The following MAT1A variants were observed in gnomAD, a reference collection of about 807,000 sequenced individuals.
MAT1A encodes the protein methionine adenosyltransferase 1A.
MAT1A carries 19 observed loss-of-function variants against 44.0 expected under a neutral mutation model. The ratio of observed to expected loss-of-function variants is 0.43; its 90% confidence interval spans 0.30 to 0.63. The LOEUF is 0.63. Among genes scored for constraint, MAT1A ranks in the 30% least tolerant of loss-of-function variants. The pLI, the probability that MAT1A is intolerant of heterozygous loss-of-function variation, is 0.12. For synonymous variants in MAT1A, 205 were observed against 205.6 expected (o/e 1.00, Z 0.03); for missense variants, 397 against 531.0 (o/e 0.75, Z 2.48).
At chr10:80,286,646 G>C (rs1841655095) in intron 1 of MAT1A, among the ~76,000 whole-genome samples, 1 of 152,146 alleles carries the variant, frequency 6.6e-6, no homozygotes. Context: ...AGCACTAAAT[G>C]GTGCTTGTAG....
intron 6 of MAT1A, chr10:80,275,426 G>T (rs1841474263): frequency 3.4e-6 from 2 of 592,620 alleles, no homozygotes; most frequent in Non-Finnish European, 6.0e-6. Flanking sequence ...ATTAGCAAGT[G>T]CAGAAGGTGG....
In MAT1A at chr10:80,274,935, G is replaced by A. The variant is rs1048109381; in HGVS notation, c.951+82C>T. On this transcript the variant is annotated intron_variant, in intron 7 of 8. Transcript: ENST00000372213. ...TGGCAAAGCATGCAGCTTTCCCACCGGGCCAACATCCCCTCACTCAGGGCA... is the reference window on the plus strand; with the variant it reads ...TGGCAAAGCATGCAGCTTTCCCACCAGGCCAACATCCCCTCACTCAGGGCA... The A allele has an allele frequency of 2.0e-5, 29 of 1,483,472 alleles. 1 individual carries two copies. Among genetic ancestry groups the A allele is most frequent in the South Asian group, 1.3e-4 (11 of 82,268 alleles). The allele number at this position is 1,483,472 out of a possible 1,614,324, so 91.9% of individuals were successfully genotyped here.
chr10:80,280,915 G>C (rs1841558383), intron 3 of MAT1A, 123 bp from the exon 4 acceptor site: 1 of 749,392 alleles, frequency 1.3e-6, no homozygotes, highest in Non-Finnish European at 2.4e-6. Context: ...TCCCTAACTA[G>C]CCAGGGTCTG....
In MAT1A at chr10:80,279,901, C is replaced by T. The variant is rs114841457; in HGVS notation, c.549+272G>A. On this transcript the variant is annotated intron_variant, in intron 5 of 8. Transcript: ENST00000372213. ...GTATGTTTGTGGCAGGATTTGGGGA[C>T]TCATTAGTCAATGTTTACTAATGAG... 3.9e-3 allele frequency among the ~76,000 whole-genome samples: 598 copies of T among 152,060 alleles called. 5 individuals carry two copies. The highest frequency in any genetic ancestry group is 0.014 in the African/African-American group (567 of 41,460).
intron 7 of MAT1A, 152 bp downstream of exon 7, chr10:80,274,865 G>A: frequency 8.2e-7 from 1 of 1,212,692 alleles, no homozygotes; most frequent in South Asian, 1.3e-5. Context: ...TAGGTTTTCA[G>A]AGCCCTGGCC....
At chr10:80,288,494 G>A (rs531144874) in intron 1 of MAT1A, among the ~76,000 whole-genome samples, 4 of 152,268 alleles carry the variant, frequency 2.6e-5, no homozygotes, top group Non-Finnish European at 4.4e-5. Flanking sequence ...AGTTCTCACC[G>A]TCATCAAGGA....
In MAT1A at chr10:80,283,940, T is replaced by G. The variant is rs767250995; in HGVS notation, c.268A>C (p.Ile90Leu). The change falls in exon 3 of 9, where the codon ATC becomes CTC. Residue 90 changes from isoleucine to leucine, a missense_variant. Physicochemically the swap from Ile to Leu is conservative, Grantham distance 5. Coordinates refer to ENST00000372213, the MANE Select transcript of MAT1A (RefSeq NM_000429.3). ...CCCTTGGCTGAGTCATCGTAGCCGA[T>G]GTGCTTGATGGTGTCCCTCACCACC... ...QRVVRDTIKH[I>L]GYDDSAKGFD... is the part of the protein sequence containing the mutation. The G allele has an allele frequency of 6.2e-7, 1 of 1,614,250 alleles. No individual in the cohort carries two copies. The highest frequency in any genetic ancestry group is 1.7e-5 in the Admixed American group (1 of 60,032).
intron 3 of MAT1A, among the ~76,000 whole-genome samples, chr10:80,281,980 C>A (rs1841573055): frequency 6.6e-6 from 1 of 152,158 alleles, no homozygotes; most frequent in Non-Finnish European, 1.5e-5. Context: ...AGACACAATG[C>A]CAGGAACTTA....
chr10:80,276,067 TGA>T (rs1027779073), intron 6 of MAT1A, among the ~76,000 whole-genome samples: 32 of 151,878 alleles, frequency 2.1e-4, no homozygotes, highest in African/African-American at 7.7e-4. Flanking sequence ...CAGAGCAGGG[TGA>T]GGTGCAGCAG....
rs144486495 is a variant in MAT1A, at chr10:80,274,743, G to A, written c.952-90C>T. 981 of 1,557,954 alleles carry A rather than the reference G, an allele frequency of 6.3e-4. 9 individuals carry two copies. In the East Asian group the frequency reaches 0.021, roughly 33 times the overall value. ...TTGCCCTTCTTCTGAAGGGACCAGC[G>A]GGGACCACATGCCTCTTGCCCCACA... On this transcript the variant is annotated intron_variant, in intron 7 of 8. Coordinates refer to ENST00000372213, the MANE Select transcript of MAT1A (RefSeq NM_000429.3).
intron 6 of MAT1A, among the ~76,000 whole-genome samples, chr10:80,275,768 A>G (rs1489790654): frequency 1.3e-5 from 2 of 152,102 alleles, no homozygotes; most frequent in Admixed American, 6.5e-5. Flanking sequence ...ACCTCCTTCT[A>G]CTCTGTGTTT....
Position 80,286,244 on chromosome 10 carries a change from A to G in MAT1A, c.92-655T>C, listed in dbSNP as rs573364406. Among the ~76,000 whole-genome samples the G allele has an allele frequency of 4.6e-5, 7 of 152,318 alleles. No homozygotes were observed. In the East Asian group the frequency reaches 1.3e-3, roughly 29 times the overall value. The stretch of plus-strand genomic sequence containing the variant: ...TGTTCCCTTTAATTCTAACATCTAC[A>G]AAAGTCCTGAAAATGAACTTAAAAA... On this transcript the variant is annotated intron_variant, in intron 1 of 8. Coordinates refer to ENST00000372213, the MANE Select transcript of MAT1A (RefSeq NM_000429.3).
intron 2 of MAT1A, 44 bp downstream of exon 2, chr10:80,285,468 A>G (rs1361972616): frequency 7.9e-6 from 12 of 1,520,238 alleles, no homozygotes; most frequent in Non-Finnish European, 1.1e-5. Flanking sequence ...TTCTCAGTCT[A>G]GCCCACTTAG....
intron 1 of MAT1A, among the ~76,000 whole-genome samples, chr10:80,288,954 GTTTC>G (rs746481795): frequency 3.9e-5 from 6 of 152,168 alleles, no homozygotes; most frequent in Non-Finnish European, 7.3e-5. Flanking sequence ...ACTCCATGCT[GTTTC>G]TCTAGAGATC....
At chr10:80,273,911 T>C (rs775096143) in intron 8 of MAT1A, 28 bp from the exon 9 acceptor site, 8 of 1,482,358 alleles carry the variant, frequency 5.4e-6, no homozygotes, top group Non-Finnish European at 7.5e-6. Context: ...AGGAAGGGCA[T>C]TGGAAGATGG....
intron 6 of MAT1A, 138 bp from the exon 7 acceptor site, chr10:80,275,337 C>T: frequency 1.3e-6 from 1 of 785,828 alleles, no homozygotes; most frequent in South Asian, 1.5e-5. Context: ...TCCTAAGACC[C>T]CTTAGCCCAG....
chr10:80,276,705 G>A, intron 5 of MAT1A, 111 bp from the exon 6 acceptor site: 1 of 963,780 alleles, frequency 1.0e-6, no homozygotes, highest in Non-Finnish European at 1.7e-6. Context: ...GGAGCCAAGT[G>A]GGGCCTCCTG....
At chr10:80,273,925 A>T (rs769839929) in intron 8 of MAT1A, 42 bp from the exon 9 acceptor site, 8 of 1,386,126 alleles carry the variant, frequency 5.8e-6, no homozygotes, top group Non-Finnish European at 8.2e-6. Context: ...AAGATGGAAC[A>T]GGAGCAGGGT....
chr10:80,278,582 C>T (rs1044168394), intron 5 of MAT1A, among the ~76,000 whole-genome samples: 5 of 152,208 alleles, frequency 3.3e-5, no homozygotes, highest in Admixed American at 6.5e-5. Context: ...CCAAGAACAC[C>T]CAAGGAATGC....
Sources: allele counts gnomAD v4.1 joint callset (sites outside exome capture counted in the v4.1 genomes callset), GRCh38; gene constraint gnomAD v4.1.1; transcripts MANE v1.5; gene names NCBI Gene and HGNC (gene_info 2026-07-23, HGNC 2026-07-21).